DLG2: variants seen among roughly 807,000 people sequenced by gnomAD.
The protein encoded by DLG2 is discs large MAGUK scaffold protein 2.
A neutral mutation model predicts 132.5 loss-of-function variants in DLG2; 45 were observed. The observed-to-expected ratio is 0.34, with a 90% CI of 0.27 to 0.44. The LOEUF (loss-of-function observed/expected upper bound fraction) is 0.44. DLG2 is among the 20% of genes least tolerant of loss of function. The pLI, the probability that DLG2 is intolerant of heterozygous loss-of-function variation, is 1.00. For missense variants in DLG2, 1,045 were observed against 1,196.9 expected (o/e 0.87, Z 1.87); for synonymous variants, 424 against 419.6 (o/e 1.01, Z -0.13).
At chr11:84,335,374 T>C (rs1341607496) in intron 7 of DLG2, among the ~76,000 whole-genome samples, 1 of 152,082 alleles carries the variant, frequency 6.6e-6, no homozygotes, top group Admixed American at 6.5e-5. Flanking sequence ...TGCTGGAGGA[T>C]AATCTTAAAA....
chr11:85,252,912 C>T (rs188073094), intron 4 of DLG2, among the ~76,000 whole-genome samples: 19 of 152,198 alleles, frequency 1.2e-4, no homozygotes, highest in Middle Eastern at 3.4e-3. Context: ...CTAATTAAAC[C>T]AGTGTTTCTA....
intron 3 of DLG2, among the ~76,000 whole-genome samples, chr11:85,423,614 G>T (rs1268810729): frequency 6.6e-6 from 1 of 152,074 alleles, no homozygotes; most frequent in Non-Finnish European, 1.5e-5. Flanking sequence ...CAGCTGCTGT[G>T]GGGGATGGGG....
chr11:84,662,623 C>G (rs2099695641), intron 6 of DLG2, among the ~76,000 whole-genome samples: 1 of 151,602 alleles, frequency 6.6e-6, no homozygotes. Context: ...TCTGTCTCTA[C>G]TAAAAATAGA....
At chr11:84,182,349 T>C (rs745673688) in intron 8 of DLG2, among the ~76,000 whole-genome samples, 13 of 150,116 alleles carry the variant, frequency 8.7e-5, no homozygotes, top group Non-Finnish European at 7.4e-5. Flanking sequence ...CTGGGCAACA[T>C]AGGGAGACCC....
At chr11:85,042,765 C>A (rs2061987492) in intron 6 of DLG2, among the ~76,000 whole-genome samples, 1 of 151,926 alleles carries the variant, frequency 6.6e-6, no homozygotes, top group Non-Finnish European at 1.5e-5. Flanking sequence ...AAAGGTTTTA[C>A]CACTCCAATT....
At chr11:85,581,611 C>T (rs1338734239) in intron 3 of DLG2, among the ~76,000 whole-genome samples, 1 of 151,904 alleles carries the variant, frequency 6.6e-6, no homozygotes, top group Non-Finnish European at 1.5e-5. Flanking sequence ...AGTGAGACTC[C>T]GTCTTAAAAC....
intron 9 of DLG2, among the ~76,000 whole-genome samples, chr11:84,151,248 AG>A (rs1349230695): frequency 6.6e-6 from 1 of 150,866 alleles, no homozygotes; most frequent in African/African-American, 2.4e-5. Context: ...TGGGCTACCT[AG>A]GGTTTCAAAT....
At chr11:83,521,942 C>T (rs770433416) in intron 21 of DLG2, among the ~76,000 whole-genome samples, 1 of 152,142 alleles carries the variant, frequency 6.6e-6, no homozygotes, top group South Asian at 2.1e-4. Context: ...ACTCCTCCAT[C>T]CAATAACCTT....
At chr11:84,667,498 G>GTTTTTTTTTTTTTTTTTTTTTTTTT (rs57863742) in intron 6 of DLG2, among the ~76,000 whole-genome samples, 1 of 122,272 alleles carries the variant, frequency 8.2e-6, no homozygotes, top group Non-Finnish European at 1.6e-5. Context: ...TTTGTTTTTT[G>GTTTTTTTTTTTTTTTTTTTTTTTTT]TTTTTTTTTT....
At chr11:84,588,241 C>A (rs1175078778) in intron 6 of DLG2, among the ~76,000 whole-genome samples, 2 of 152,172 alleles carry the variant, frequency 1.3e-5, no homozygotes, top group Non-Finnish European at 2.9e-5. Context: ...TTTGACTCCG[C>A]AATCCATGCT....
intron 3 of DLG2, among the ~76,000 whole-genome samples, chr11:85,485,066 G>A (rs1454746605): frequency 3.3e-5 from 5 of 152,066 alleles, no homozygotes; most frequent in African/African-American, 9.7e-5. Flanking sequence ...CATGGATGAA[G>A]CTGGAAACCA....
chr11:84,906,231 G>GTT (rs202160051), intron 6 of DLG2, among the ~76,000 whole-genome samples: 1 of 116,316 alleles, frequency 8.6e-6, no homozygotes, highest in African/African-American at 3.1e-5. Context: ...ACAAGTTTTG[G>GTT]TTTTTTTGTT....
intron 3 of DLG2, among the ~76,000 whole-genome samples, chr11:85,418,273 T>C (rs1017949909): frequency 1.3e-5 from 2 of 152,264 alleles, no homozygotes; most frequent in Admixed American, 6.5e-5. Flanking sequence ...TTCTTAATTC[T>C]GAGTTCTAAT....
At chr11:84,166,877 C>T (rs2095679198) in intron 8 of DLG2, 1 of 530,594 alleles carries the variant, frequency 1.9e-6, no homozygotes, top group Non-Finnish European at 3.9e-6. Flanking sequence ...ATATGATTTT[C>T]AATTCCTTTT....
chr11:84,442,625 C>A (rs2099020772), intron 7 of DLG2, among the ~76,000 whole-genome samples: 1 of 151,620 alleles, frequency 6.6e-6, no homozygotes, highest in Non-Finnish European at 1.5e-5. Context: ...CACATGTATA[C>A]CTATCTAACA....
At chr11:84,356,195 A>G (rs2098610302) in intron 7 of DLG2, among the ~76,000 whole-genome samples, 1 of 152,130 alleles carries the variant, frequency 6.6e-6, no homozygotes, top group South Asian at 2.1e-4. Context: ...CCATTTCTAT[A>G]GCAGGAAATT....
Position 83,471,715 on chromosome 11 carries a change from C to T in DLG2, c.2357G>A (p.Arg786Gln), listed in dbSNP as rs771409477. 1.4e-5 allele frequency: 22 copies of T among 1,612,568 alleles called. No individual in the cohort carries two copies. The highest frequency in any genetic ancestry group is 1.7e-5 in the Admixed American group (1 of 59,862). ...PVTRQEINYT[R>Q]PVIILGPMKD... ...CATGGGCCCCAGGATAATCACCGGC[C>T]GGGTGTAGTTTACTGCAGAATGGGA... The change falls in exon 24 of 28, where the codon CGG becomes CAG. Residue 786 changes from arginine (R) to glutamine (Q), a missense_variant. Coordinates refer to ENST00000376104, the MANE Select transcript of DLG2 (RefSeq NM_001142699.3).
At chr11:84,311,290 T>C (rs533826149) in intron 7 of DLG2, among the ~76,000 whole-genome samples, 40 of 152,324 alleles carry the variant, frequency 2.6e-4, no homozygotes, top group African/African-American at 9.4e-4. Flanking sequence ...ATAAAAAACA[T>C]ACTTTAGATA....
At chr11:84,786,063 C>A (rs1485079583) in intron 6 of DLG2, among the ~76,000 whole-genome samples, 4 of 152,076 alleles carry the variant, frequency 2.6e-5, no homozygotes, top group African/African-American at 9.7e-5. Context: ...ATCATTACTT[C>A]TAGCTCTTTT....
Sources: gnomAD v4.1 joint callset for allele counts (sites outside exome capture counted in the v4.1 genomes callset) on GRCh38, gnomAD v4.1.1 for gene constraint, MANE v1.5 for transcripts, NCBI Gene and HGNC (gene_info 2026-07-23, HGNC 2026-07-21) for gene names.